Variants in SGCD observed in about 807,000 individuals in gnomAD.
The protein encoded by SGCD is delta-sarcoglycan.
SGCD carries 18 observed loss-of-function variants against 36.6 expected under a neutral mutation model. That is an observed-to-expected ratio of 0.49 (90% CI 0.34 to 0.73). The LOEUF is 0.73. SGCD is among the 30% of genes least tolerant of loss of function. SGCD has a pLI of 0.01. For synonymous variants in SGCD, 133 were observed against 130.6 expected (o/e 1.02, Z -0.12); for missense variants, 387 against 346.7 (o/e 1.12, Z -0.92).
chr5:156,071,286 C>T (rs1760553181), intron 1 of SGCD, among the ~76,000 whole-genome samples: 1 of 152,166 alleles, frequency 6.6e-6, no homozygotes, highest in Non-Finnish European at 1.5e-5. Context: ...AAATTTCCCT[C>T]TACACACTGC....
At chr5:156,307,041 C>CTTTTT (rs71577193) in intron 3 of SGCD, among the ~76,000 whole-genome samples, 21 of 124,510 alleles carry the variant, frequency 1.7e-4, no homozygotes, top group East Asian at 2.5e-4. Context: ...TATAAGTTTT[C>CTTTTT]TTTTTTTTTT....
At position 156,759,208 on chromosome 5, in the gene SGCD, T is replaced by C. The variant is rs1324941878; in HGVS notation, c.700-9T>C. ...GACCAATGCTTTCCTTCCTATTCTC[T>C]GTCTTTAGATTAAGTTAGATGCTGC... On this transcript the variant is annotated splice_polypyrimidine_tract_variant and intron_variant, in intron 8 of 8. Coordinates refer to ENST00000337851, the MANE Select transcript of SGCD (RefSeq NM_000337.6). 1 of 1,611,488 alleles carries C rather than the reference T, an allele frequency of 6.2e-7. No individual in the cohort carries two copies. Among genetic ancestry groups the C allele is most frequent in the Non-Finnish European group, 8.5e-7 (1 of 1,177,752 alleles).
intron 1 of SGCD, among the ~76,000 whole-genome samples, chr5:155,918,334 G>A (rs771132195): frequency 2.0e-5 from 3 of 152,132 alleles, no homozygotes; most frequent in African/African-American, 4.8e-5. Flanking sequence ...TGGCTGAGGC[G>A]GGCAGATCAC....
intron 3 of SGCD, among the ~76,000 whole-genome samples, chr5:156,248,663 C>T (rs896186146): frequency 6.6e-6 from 1 of 152,068 alleles, no homozygotes; most frequent in Non-Finnish European, 1.5e-5. Context: ...GGACTTTATT[C>T]GAAGACGATA....
rs150745409 is a variant in SGCD at position 156,050,837 on chromosome 5, A to T, written c.-281-67041A>T. On this transcript the variant is annotated intron_variant, in intron 1 of 9. Transcript: ENST00000517913. The stretch of plus-strand genomic sequence containing the variant: ...TTCAAAATTAAAAGTATAGCTTCTT[A>T]TAACCTCTTTCTCACCATTGTGCCT... Among the ~76,000 whole-genome samples the T allele has an allele frequency of 1.1e-3, 164 of 146,660 alleles. 12 individuals carry two copies. Among genetic ancestry groups the T allele is most frequent in the African/African-American group, 3.8e-3 (157 of 40,790 alleles).
the SGCD span, among the ~76,000 whole-genome samples, chr5:155,843,713 T>C: frequency 6.6e-6 from 1 of 152,122 alleles, no homozygotes. Context: ...TTGTTTCCTG[T>C]AAATGTAGAG....
intron 3 of SGCD, among the ~76,000 whole-genome samples, chr5:156,373,822 G>A (rs2127741774): frequency 6.6e-6 from 1 of 152,272 alleles, no homozygotes. Flanking sequence ...ATAGTGGCAT[G>A]GATAATTTTG....
At chr5:156,335,879 C>G (rs552696481) in intron 2 of SGCD, among the ~76,000 whole-genome samples, 2 of 152,358 alleles carry the variant, frequency 1.3e-5, no homozygotes, top group South Asian at 4.1e-4. Context: ...GCCTGGGCCA[C>G]TGCCACCTCT....
chr5:156,511,662 G>A (rs572336295), intron 4 of SGCD, among the ~76,000 whole-genome samples: 69 of 152,216 alleles, frequency 4.5e-4, no homozygotes, highest in African/African-American at 1.4e-3. Context: ...CATAATAGTC[G>A]TATATAAACA....
chr5:156,616,456 T>C (rs935861234), intron 6 of SGCD, among the ~76,000 whole-genome samples: 3 of 152,200 alleles, frequency 2.0e-5, no homozygotes, highest in East Asian at 1.9e-4. Context: ...ATACTTGTTA[T>C]AGTAGTCAGA....
chr5:156,717,067 T>G (rs1755257866), intron 7 of SGCD, among the ~76,000 whole-genome samples: 1 of 152,246 alleles, frequency 6.6e-6, no homozygotes, highest in African/African-American at 2.4e-5. Context: ...ACATTGAATA[T>G]TTTTAAAAGG....
intron 3 of SGCD, among the ~76,000 whole-genome samples, chr5:156,309,719 C>A (rs1050056996): frequency 6.6e-6 from 1 of 151,494 alleles, no homozygotes; most frequent in Admixed American, 6.6e-5. Flanking sequence ...AACTCCTGAC[C>A]TCATGATCCA....
chr5:155,882,026 A>G (rs899980814), intron 1 of SGCD, among the ~76,000 whole-genome samples: 1 of 152,128 alleles, frequency 6.6e-6, no homozygotes, highest in Non-Finnish European at 1.5e-5. Context: ...AAAGTTATTC[A>G]TGAGGGTTAA....
chr5:156,529,423 C>CAAAA (rs397884521), intron 4 of SGCD, among the ~76,000 whole-genome samples: 3 of 59,120 alleles, frequency 5.1e-5, no homozygotes, highest in Non-Finnish European at 6.7e-5. Flanking sequence ...GACTCTGTCT[C>CAAAA]AAAAAAAAAA....
intron 3 of SGCD, among the ~76,000 whole-genome samples, chr5:156,390,184 ATTATT>A (rs1379677618): frequency 2.7e-5 from 4 of 150,188 alleles, no homozygotes; most frequent in Non-Finnish European, 4.4e-5. Context: ...TATACTTTTT[ATTATT>A]TTAGAGTCTA....
intron 3 of SGCD, among the ~76,000 whole-genome samples, chr5:156,391,375 A>G (rs554344612): frequency 3.8e-4 from 58 of 152,326 alleles, no homozygotes; most frequent in African/African-American, 1.2e-3. Flanking sequence ...ACACGTGCCT[A>G]TTGTGAAATG....
chr5:156,099,709 T>C (rs32383), intron 1 of SGCD, among the ~76,000 whole-genome samples: 69,209 of 152,006 alleles, frequency 0.46, 16,455 homozygotes, highest in African/African-American at 0.58. Context: ...GCCACTGTGC[T>C]CGGCCTATTT....
intron 3 of SGCD, among the ~76,000 whole-genome samples, chr5:156,440,681 G>A (rs1753447912): frequency 6.6e-6 from 1 of 152,116 alleles, no homozygotes; most frequent in South Asian, 2.1e-4. Context: ...ACTTCATTGT[G>A]TTTTGATTTG....
chr5:156,254,439 C>G (rs534256857), intron 3 of SGCD, among the ~76,000 whole-genome samples: 29 of 152,290 alleles, frequency 1.9e-4, no homozygotes, highest in African/African-American at 7.0e-4. Context: ...GCTAAGAAAC[C>G]TTTTGTTCCT....
Sources: gnomAD v4.1 joint callset for allele counts (sites outside exome capture counted in the v4.1 genomes callset) on GRCh38, gnomAD v4.1.1 for gene constraint, MANE v1.5 for transcripts, NCBI Gene and HGNC (gene_info 2026-07-23, HGNC 2026-07-21) for gene names.